The following EPS15L1 variants were observed in gnomAD, a reference collection of about 807,000 sequenced individuals.
The protein encoded by EPS15L1 is epidermal growth factor receptor pathway substrate 15 like 1.
In EPS15L1, 43 loss-of-function variants were observed where a neutral mutation model predicts 117.1. The observed-to-expected ratio is 0.37, with a 90% CI of 0.29 to 0.47. The LOEUF (loss-of-function observed/expected upper bound fraction) is 0.47, where lower values mean the gene tolerates loss of function less well. Among genes scored for constraint, EPS15L1 ranks in the 20% least tolerant of loss-of-function variants. The probability of loss-of-function intolerance (pLI) is 0.99; values close to 1 mark genes in which losing one functional copy is unlikely to be tolerated. For synonymous variants in EPS15L1, 459 were observed against 470.5 expected (o/e 0.98, Z 0.32); for missense variants, 981 against 1,164.0 (o/e 0.84, Z 2.29).
At chr19:16,362,756 C>T (rs551766038) in intron 22 of EPS15L1, among the ~76,000 whole-genome samples, 1 of 151,952 alleles carries the variant, frequency 6.6e-6, no homozygotes, top group African/African-American at 2.4e-5. Context: ...GTCATCTGCC[C>T]GCCTCAGCCT....
Position 16,417,957 on chromosome 19 carries a change from C to A in EPS15L1, c.1098G>T (p.Thr366=), listed in dbSNP as rs780484516. The change falls in exon 11 of 24, where the codon ACG becomes ACT. Residue 366 remains threonine, a synonymous_variant. Coordinates refer to ENST00000455140, the MANE Select transcript of EPS15L1 (RefSeq NM_001258374.3). ...PDMVPPSERG[T]PGPDSSGSLG... ...GACCAGCACCACTCACCGGGCCGGG[C>A]GTGCCTCTCTCCGAAGGCGGGACCA... is the stretch of plus-strand genomic sequence containing the variant. 1 of 1,613,116 alleles carries A rather than the reference C, an allele frequency of 6.2e-7. No homozygotes were observed. The highest frequency in any genetic ancestry group is 1.1e-5 in the South Asian group (1 of 91,002).
intron 18 of EPS15L1, among the ~76,000 whole-genome samples, 167 bp from the exon 19 acceptor site, chr19:16,392,607 G>C (rs1193670426): frequency 6.6e-6 from 1 of 152,210 alleles, no homozygotes; most frequent in Non-Finnish European, 1.5e-5. Context: ...GGAGAGGGTG[G>C]AGGGTGACAA....
chr19:16,414,101 T>G (rs527249301), intron 12 of EPS15L1, among the ~76,000 whole-genome samples: 2 of 152,014 alleles, frequency 1.3e-5, no homozygotes, highest in Non-Finnish European at 2.9e-5. Flanking sequence ...GTTGCCCAAG[T>G]GGAAGTTAGA....
At position 16,437,881 on chromosome 19, in the gene EPS15L1, A is replaced by C. The variant is rs951379403; in HGVS notation, c.214-16T>G. 6.2e-7 allele frequency: 1 copy of C among 1,604,214 alleles called. No homozygotes were observed. Among genetic ancestry groups the C allele is most frequent in the African/African-American group, 1.3e-5 (1 of 74,736 alleles). On this transcript the variant is annotated splice_polypyrimidine_tract_variant and intron_variant, in intron 4 of 23. Transcript: ENST00000455140. Reference sequence around the variant, plus strand: ...CATAGAAACCCTGCAAGTCCAAAGAAAGGGAAGGAGTAAACAGCATATCGC... The same window carrying C: ...CATAGAAACCCTGCAAGTCCAAAGACAGGGAAGGAGTAAACAGCATATCGC...
At chr19:16,396,132 T>C (rs1056509999) in intron 16 of EPS15L1, among the ~76,000 whole-genome samples, 32 of 152,210 alleles carry the variant, frequency 2.1e-4, no homozygotes, top group African/African-American at 7.0e-4. Context: ...TTAAAGATCA[T>C]TGAAGAAGTA....
intron 1 of EPS15L1, among the ~76,000 whole-genome samples, chr19:16,446,696 T>C (rs1168867893): frequency 6.6e-6 from 1 of 152,078 alleles, no homozygotes; most frequent in Non-Finnish European, 1.5e-5. Context: ...AGCCCAGGTG[T>C]CACAGGGCTG....
At chr19:16,391,388 A>C (rs2092472345) in intron 19 of EPS15L1, among the ~76,000 whole-genome samples, 1 of 152,176 alleles carries the variant, frequency 6.6e-6, no homozygotes, top group African/African-American at 2.4e-5. Context: ...AAAAGGGGCC[A>C]ATAAGAAAAT....
At chr19:16,399,875 GC>G (rs1299863243) in intron 16 of EPS15L1, among the ~76,000 whole-genome samples, 1 of 152,050 alleles carries the variant, frequency 6.6e-6, no homozygotes, top group Non-Finnish European at 1.5e-5. Flanking sequence ...GCTCCAGCAT[GC>G]CACTGGGTCT....
chr19:16,450,738 CT>C (rs957166310), intron 1 of EPS15L1, among the ~76,000 whole-genome samples: 1 of 152,020 alleles, frequency 6.6e-6, no homozygotes, highest in African/African-American at 2.4e-5. Flanking sequence ...CCGCCTCAGC[CT>C]CCCAAAGTGC....
intron 21 of EPS15L1, among the ~76,000 whole-genome samples, chr19:16,384,762 C>T (rs572998811): frequency 5.0e-4 from 76 of 152,350 alleles, no homozygotes; most frequent in African/African-American, 1.7e-3. Flanking sequence ...GGCCCACTTT[C>T]CCTGGACGCC....
chr19:16,458,013 C>T (rs2093213624), intron 1 of EPS15L1, among the ~76,000 whole-genome samples: 2 of 152,146 alleles, frequency 1.3e-5, no homozygotes. Flanking sequence ...CATTCCTTTC[C>T]TGCATCAGCT....
chr19:16,436,647 G>A (rs2092981298), intron 6 of EPS15L1: 1 of 336,738 alleles, frequency 3.0e-6, no homozygotes, highest in Admixed American at 4.5e-5. Context: ...AAAGATGCAA[G>A]ATTTAAACTG....
rs1481595392 is a variant in EPS15L1, at chr19:16,370,165, T to C, written c.2380+6957A>G. Among the ~76,000 whole-genome samples, 2 of 152,128 alleles carry C rather than the reference T, an allele frequency of 1.3e-5. No homozygotes were observed. The highest frequency in any genetic ancestry group is 1.9e-4 in the East Asian group (1 of 5,184). On this transcript the variant is annotated intron_variant, in intron 22 of 23. Transcript: ENST00000455140. This position sits in a 1 kb window ranked among gnomAD's most constrained non-coding sequence, Gnocchi z 5.2. The stretch of plus-strand genomic sequence containing the variant: ...GCGCAGAGCCCACCAGGAGCTCCCA[T>C]GGTGGGGGACACTTTTGCTCTCTTT...
chr19:16,438,894 G>A (rs2095569437), intron 4 of EPS15L1, among the ~76,000 whole-genome samples: 1 of 151,842 alleles, frequency 6.6e-6, no homozygotes, highest in African/African-American at 2.4e-5. Flanking sequence ...GGTTCACCAC[G>A]ATCCCCTCGG....
At chr19:16,425,680 G>C (rs1293711237) in intron 8 of EPS15L1, among the ~76,000 whole-genome samples, 2 of 152,130 alleles carry the variant, frequency 1.3e-5, no homozygotes, top group East Asian at 3.9e-4. Context: ...AGACGTTCAG[G>C]AGTAGTCCCA....
chr19:16,364,414 T>G (rs2092104196), intron 22 of EPS15L1, among the ~76,000 whole-genome samples: 1 of 152,118 alleles, frequency 6.6e-6, no homozygotes, highest in Non-Finnish European at 1.5e-5. Context: ...GGTGTCTCCC[T>G]TTTTCTATCC....
At chr19:16,402,724 A>C (rs1599586568) in intron 15 of EPS15L1, among the ~76,000 whole-genome samples, 2 of 151,510 alleles carry the variant, frequency 1.3e-5, no homozygotes, top group African/African-American at 4.9e-5. Flanking sequence ...ACAAACCAAG[A>C]CCCATCTCTG....
chr19:16,413,577 G>C lies in EPS15L1; in HGVS notation c.1266+196C>G, dbSNP rs562535201. 1.7e-4 allele frequency: 128 copies of C among 740,916 alleles called. No homozygotes were observed. In the African/African-American group the frequency reaches 2.1e-3, roughly 12 times the overall value. 45.9% of individuals were successfully genotyped at this position (740,916 alleles called of 1,614,324 possible). A position where few individuals can be genotyped will look rare whatever the true frequency, so the allele number is the denominator to read the frequency against. On this transcript the variant is annotated intron_variant, in intron 13 of 23. Coordinates refer to ENST00000455140, the MANE Select transcript of EPS15L1 (RefSeq NM_001258374.3). ...GGCTCCAGCTGTGGCTACAACATAG[G>C]GTTTTTATACAAGAAAAATAAAGTG...
intron 19 of EPS15L1, 35 bp downstream of exon 19, chr19:16,392,269 C>A (rs540405223): frequency 1.2e-6 from 2 of 1,612,582 alleles, no homozygotes; most frequent in Admixed American, 1.7e-5. Flanking sequence ...AGAGCAGGCA[C>A]GCAGCTCTCC....
Sources: gnomAD v4.1 joint callset for allele counts (sites outside exome capture counted in the v4.1 genomes callset) on GRCh38, gnomAD v4.1.1 for gene constraint, Gnocchi (gnomAD v3.1) non-coding constraint, MANE v1.5 for transcripts, NCBI Gene and HGNC (gene_info 2026-07-23, HGNC 2026-07-21) for gene names.